Variants in PRDM5 observed in about 807,000 individuals in gnomAD.
PRDM5 encodes PR/SET domain 5, also known as PR domain zinc finger protein 5.
PRDM5 carries 56 observed loss-of-function variants against 81.2 expected under a neutral mutation model. The observed-to-expected ratio is 0.69, with a 90% CI of 0.56 to 0.86. The LOEUF (loss-of-function observed/expected upper bound fraction) is 0.86, where lower values mean the gene tolerates loss of function less well. Among genes scored for constraint, PRDM5 ranks in the 40% least tolerant of loss-of-function variants. The probability of loss-of-function intolerance (pLI) is 0.00; values close to 1 mark genes in which losing one functional copy is unlikely to be tolerated. For synonymous variants in PRDM5, 267 were observed against 256.4 expected (o/e 1.04, Z -0.39); for missense variants, 697 against 770.1 (o/e 0.91, Z 1.12).
chr4:120,821,426 G>A, intron 3 of PRDM5, 81 bp from the exon 4 acceptor site: 1 of 1,328,128 alleles, frequency 7.5e-7, no homozygotes, highest in Non-Finnish European at 1.1e-6. Flanking sequence ...TACATTAATG[G>A]AGTACTATGT....
At position 120,693,694 on chromosome 4, in the gene PRDM5, T is replaced by A. The variant is rs1293293945; in HGVS notation, c.*1417A>T. 6.6e-6 allele frequency: 1 copy of A among 152,176 alleles called. No individual in the cohort carries two copies. The highest frequency in any genetic ancestry group is 1.5e-5 in the Non-Finnish European group (1 of 68,022). 9.4% of individuals were successfully genotyped at this position (152,176 alleles called of 1,614,324 possible). ...AGATTCCTGAAGTCAAAGAACTGTGTCTCAGATAACCTTTCTCCTTAACTC... is the reference window on the plus strand; with the variant it reads ...AGATTCCTGAAGTCAAAGAACTGTGACTCAGATAACCTTTCTCCTTAACTC... On this transcript the variant is annotated 3_prime_UTR_variant, in exon 16 of 16. Transcript: ENST00000264808.
At chr4:120,769,477 T>C (rs963126188) in intron 13 of PRDM5, among the ~76,000 whole-genome samples, 1 of 152,168 alleles carries the variant, frequency 6.6e-6, no homozygotes, top group Non-Finnish European at 1.5e-5. Flanking sequence ...CAGCCTGGAA[T>C]GTAAACAGTG....
intron 2 of PRDM5, among the ~76,000 whole-genome samples, chr4:120,861,162 T>C (rs1480849208): frequency 1.3e-5 from 2 of 152,024 alleles, no homozygotes; most frequent in Non-Finnish European, 2.9e-5. Context: ...TGTGTACCAC[T>C]TCACATGGCT....
At chr4:120,862,774 T>C (rs867193008) in intron 2 of PRDM5, among the ~76,000 whole-genome samples, 83 of 152,262 alleles carry the variant, frequency 5.5e-4, no homozygotes, top group African/African-American at 1.9e-3. Flanking sequence ...ATCTATGAGT[T>C]TCTAATAAAA....
At chr4:120,803,800 G>C (rs568664662) in intron 8 of PRDM5, among the ~76,000 whole-genome samples, 1 of 152,076 alleles carries the variant, frequency 6.6e-6, no homozygotes, top group Admixed American at 6.5e-5. Flanking sequence ...ATCAACTAAC[G>C]AGCAAAATAG....
chr4:120,721,387 T>C (rs1254782513), intron 14 of PRDM5, among the ~76,000 whole-genome samples: 2 of 152,160 alleles, frequency 1.3e-5, no homozygotes, highest in Non-Finnish European at 2.9e-5. Flanking sequence ...CACTAGCTTT[T>C]TAAAAGCTCC....
At chr4:120,760,033 A>T (rs1460788138) in intron 13 of PRDM5, among the ~76,000 whole-genome samples, 1 of 152,244 alleles carries the variant, frequency 6.6e-6, no homozygotes, top group Non-Finnish European at 1.5e-5. Context: ...GAGGAAAGTA[A>T]GGCACAGAAA....
intron 3 of PRDM5, among the ~76,000 whole-genome samples, chr4:120,830,106 G>A (rs187467636): frequency 4.6e-4 from 70 of 152,064 alleles, no homozygotes; most frequent in African/African-American, 1.7e-3. Context: ...TTCACAAAAT[G>A]TATCTATAAT....
chr4:120,864,487 A>G (rs1378065226), intron 2 of PRDM5, among the ~76,000 whole-genome samples: 2 of 152,232 alleles, frequency 1.3e-5, no homozygotes, highest in Non-Finnish European at 2.9e-5. Flanking sequence ...TATTGATGTT[A>G]CATGCAACCA....
At chr4:120,890,515 C>T (rs2148621596) in intron 2 of PRDM5, among the ~76,000 whole-genome samples, 1 of 152,332 alleles carries the variant, frequency 6.6e-6, no homozygotes, top group Non-Finnish European at 1.5e-5. Flanking sequence ...AATGATACAT[C>T]TGTTTTTAGT....
rs535031602 is a variant in PRDM5, at chr4:120,771,240, A to G, written c.1537+5948T>C. Among the ~76,000 whole-genome samples, 3 of 152,300 alleles carry G rather than the reference A, an allele frequency of 2.0e-5. No individual in the cohort carries two copies. The South Asian group carries it at 6.2e-4, about 32-fold the overall frequency. On this transcript the variant is annotated intron_variant, in intron 13 of 15. Transcript: ENST00000264808. ...TTGCCCGCAACCTCTCTTCAGACTT[A>G]GGAATCAAGCATACTTTGGATTTAT...
At chr4:120,904,913 T>C (rs559708187) in intron 2 of PRDM5, among the ~76,000 whole-genome samples, 1 of 152,236 alleles carries the variant, frequency 6.6e-6, no homozygotes, top group South Asian at 2.1e-4. Flanking sequence ...CAAATAACAT[T>C]TTTAAAAAAG....
intron 12 of PRDM5, 28 bp from the exon 13 acceptor site, chr4:120,777,309 G>C (rs1487619791): frequency 1.4e-5 from 22 of 1,612,616 alleles, no homozygotes; most frequent in Non-Finnish European, 1.7e-5. Context: ...AAAAGGCTAA[G>C]GATAAATACA....
At chr4:120,809,292 A>G in intron 8 of PRDM5, among the ~76,000 whole-genome samples, 1 of 152,144 alleles carries the variant, frequency 6.6e-6, no homozygotes, top group East Asian at 1.9e-4. Context: ...TACCTAATGT[A>G]AATGACAAGT....
At position 120,907,023 on chromosome 4, in the gene PRDM5, C is replaced by G. The variant is rs1444037327; in HGVS notation, c.177+451G>C. 3.7e-5 allele frequency among the ~76,000 whole-genome samples: 5 copies of G among 136,478 alleles called. No individual in the cohort carries two copies. The South Asian group carries it at 1.2e-3, about 32-fold the overall frequency. 89.5% of individuals were successfully genotyped at this position (136,478 alleles called of 152,430 possible). A position where few individuals can be genotyped will look rare whatever the true frequency, so the allele number is the denominator to read the frequency against. Reference sequence around the variant, plus strand: ...TTCTCTAAAAAAAAAAAAAAAAAAGCTGAACTTTTTTTAAAACCTAAAACA... The same window carrying G: ...TTCTCTAAAAAAAAAAAAAAAAAAGGTGAACTTTTTTTAAAACCTAAAACA... On this transcript the variant is annotated intron_variant, in intron 2 of 15. Coordinates refer to ENST00000264808, the MANE Select transcript of PRDM5 (RefSeq NM_018699.4).
In PRDM5 at chr4:120,789,211, G is replaced by T. The variant is rs1027265011; in HGVS notation, c.1189-4120C>A. On this transcript the variant is annotated intron_variant, in intron 10 of 15. Transcript: ENST00000264808. ...CTTTTTATATACCAACTCTTTTGCA[G>T]ATATAAAAAATACATAAAATCTGTT... 7.2e-5 allele frequency among the ~76,000 whole-genome samples: 11 copies of T among 152,206 alleles called. No individual in the cohort carries two copies. The East Asian group carries it at 2.1e-3, about 29-fold the overall frequency.
At chr4:120,806,961 G>T (rs1422574436) in intron 8 of PRDM5, among the ~76,000 whole-genome samples, 1 of 152,074 alleles carries the variant, frequency 6.6e-6, no homozygotes, top group African/African-American at 2.4e-5. Context: ...CTGACAAAGG[G>T]CTAATATCCA....
chr4:120,769,909 A>T (rs971796808), intron 13 of PRDM5, among the ~76,000 whole-genome samples: 5 of 152,188 alleles, frequency 3.3e-5, no homozygotes, highest in Admixed American at 3.3e-4. Context: ...TGTGCACAAG[A>T]CTTAAGCTAT....
chr4:120,715,756 A>G (rs1174290101), intron 14 of PRDM5, among the ~76,000 whole-genome samples: 1 of 152,234 alleles, frequency 6.6e-6, no homozygotes, highest in Non-Finnish European at 1.5e-5. Flanking sequence ...TTGTGAAGAC[A>G]TGATGGGCAT....
Sources: gnomAD v4.1 joint callset for allele counts (sites outside exome capture counted in the v4.1 genomes callset) on GRCh38, gnomAD v4.1.1 for gene constraint, MANE v1.5 for transcripts, NCBI Gene and HGNC (gene_info 2026-07-23, HGNC 2026-07-21) for gene names.